TCF7L1: variants seen among roughly 807,000 people sequenced by gnomAD.
TCF7L1 encodes transcription factor 7-like 1.
In TCF7L1, 18 loss-of-function variants were observed where a neutral mutation model predicts 63.7. The observed-to-expected ratio is 0.28, with a 90% CI of 0.20 to 0.42. The LOEUF (loss-of-function observed/expected upper bound fraction) is 0.42. TCF7L1 is among the 10% of genes least tolerant of loss of function. TCF7L1 has a pLI of 1.00. For missense variants in TCF7L1, 654 were observed against 779.3 expected, an observed-to-expected ratio of 0.84 and a Z score of 1.91; for synonymous variants, 355 against 340.9, an observed-to-expected ratio of 1.04 and a Z score of -0.46.
intron 3 of TCF7L1, among the ~76,000 whole-genome samples, chr2:85,168,462 C>G (rs1371540302): frequency 1.3e-5 from 2 of 152,172 alleles, no homozygotes; most frequent in Non-Finnish European, 1.5e-5. Context: ...AGGCCCTACA[C>G]TGTCCCTGAG....
rs147124547 is a variant in TCF7L1 at position 85,304,400 on chromosome 2, C to T, written c.845+62C>T. On this transcript the variant is annotated intron_variant, in intron 7 of 11. Transcript: ENST00000282111. ...TTAGCAACCACGCCATTTCTGACCA[C>T]GAAACAGCTTTTTCTTGCCAGTTAA... is the stretch of plus-strand genomic sequence containing the variant. 300 of 1,551,074 alleles carry T rather than the reference C, an allele frequency of 1.9e-4. 1 individual carries two copies. The African/African-American group carries it at 2.9e-3, about 15-fold the overall frequency.
chr2:85,243,772 G>C (rs767013371), intron 3 of TCF7L1, among the ~76,000 whole-genome samples: 10 of 152,126 alleles, frequency 6.6e-5, no homozygotes, highest in African/African-American at 2.4e-4. Context: ...TACGTGCCAG[G>C]CACCTTAGAA....
At chr2:85,263,359 C>T (rs997119650) in intron 3 of TCF7L1, among the ~76,000 whole-genome samples, 4 of 151,462 alleles carry the variant, frequency 2.6e-5, no homozygotes, top group Admixed American at 2.0e-4. Context: ...GTGGGCTGGC[C>T]TGGGGAGGGG....
At chr2:85,225,015 A>G (rs1189868100) in intron 3 of TCF7L1, among the ~76,000 whole-genome samples, 2 of 152,202 alleles carry the variant, frequency 1.3e-5, no homozygotes, top group African/African-American at 4.8e-5. Flanking sequence ...CAGTTTTCCC[A>G]GCACCATTTA....
rs1391768690 is a variant in TCF7L1 at position 85,232,566 on chromosome 2, A to G, written c.442-50929A>G. On this transcript the variant is annotated intron_variant, in intron 3 of 11. Coordinates refer to ENST00000282111, the MANE Select transcript of TCF7L1 (RefSeq NM_031283.3). ...TTGACCCCTTTGCATGATGATCTTAAGTTTGTTCACCACTGTTCAGCATAT... is the reference window on the plus strand; with the variant it reads ...TTGACCCCTTTGCATGATGATCTTAGGTTTGTTCACCACTGTTCAGCATAT... Among the ~76,000 whole-genome samples the G allele has an allele frequency of 2.0e-5, 3 of 152,208 alleles. No individual in the cohort carries two copies. The East Asian group carries it at 5.8e-4, about 29-fold the overall frequency.
At chr2:85,226,536 A>G (rs910724970) in intron 3 of TCF7L1, among the ~76,000 whole-genome samples, 1 of 151,398 alleles carries the variant, frequency 6.6e-6, no homozygotes, top group Admixed American at 6.6e-5. Context: ...TGTCAGTGCA[A>G]CTTCCAAGTT....
At chr2:85,256,962 G>A (rs967471254) in intron 3 of TCF7L1, among the ~76,000 whole-genome samples, 7 of 149,240 alleles carry the variant, frequency 4.7e-5, no homozygotes, top group Non-Finnish European at 8.9e-5. Flanking sequence ...CAGCCTGGGT[G>A]ACAGAGTGAG....
intron 4 of TCF7L1, among the ~76,000 whole-genome samples, chr2:85,284,213 T>C (rs1681488323): frequency 6.6e-6 from 1 of 152,208 alleles, no homozygotes; most frequent in Non-Finnish European, 1.5e-5. Context: ...TGTTTCACTG[T>C]GTTAGCCAGG....
intron 3 of TCF7L1, among the ~76,000 whole-genome samples, chr2:85,220,862 C>T (rs564750292): frequency 6.6e-6 from 1 of 152,286 alleles, no homozygotes; most frequent in South Asian, 2.1e-4. Flanking sequence ...ATGATTATCT[C>T]AATAGCACTG....
intron 3 of TCF7L1, among the ~76,000 whole-genome samples, chr2:85,210,314 A>G (rs11681532): frequency 0.47 from 71,103 of 152,088 alleles, 16,925 homozygotes; most frequent in African/African-American, 0.54. Flanking sequence ...AGGGCCCAGC[A>G]CAGCTATGGC....
chr2:85,217,962 A>G (rs1360814739), intron 3 of TCF7L1, among the ~76,000 whole-genome samples: 1 of 152,094 alleles, frequency 6.6e-6, no homozygotes, highest in Non-Finnish European at 1.5e-5. Context: ...ATCAGTTTTT[A>G]TCAAAATAAT....
chr2:85,168,617 T>C (rs945100593), intron 3 of TCF7L1, among the ~76,000 whole-genome samples: 1 of 151,454 alleles, frequency 6.6e-6, no homozygotes, highest in African/African-American at 2.4e-5. Flanking sequence ...GGTCCATCTG[T>C]AAATACGACT....
chr2:85,248,673 C>A (rs1447195542), intron 3 of TCF7L1, among the ~76,000 whole-genome samples: 1 of 152,170 alleles, frequency 6.6e-6, no homozygotes, highest in South Asian at 2.1e-4. Context: ...CCCCCTAAAC[C>A]ATCAAGATTG....
At chr2:85,261,823 G>A (rs927447665) in intron 3 of TCF7L1, among the ~76,000 whole-genome samples, 12 of 152,188 alleles carry the variant, frequency 7.9e-5, no homozygotes, top group Non-Finnish European at 1.6e-4. Flanking sequence ...GGAGGCCACA[G>A]TGAGCCATGT....
intron 3 of TCF7L1, among the ~76,000 whole-genome samples, chr2:85,168,780 C>T (rs186332453): frequency 3.7e-4 from 56 of 152,310 alleles, no homozygotes; most frequent in Non-Finnish European, 5.3e-4. Flanking sequence ...CGCTACCACA[C>T]CCGGCTAATT....
Position 85,303,950 on chromosome 2 carries a change from C to A in TCF7L1, c.714C>A (p.Pro238=). 1 of 1,613,892 alleles carries A rather than the reference C, an allele frequency of 6.2e-7. No individual in the cohort carries two copies. Among genetic ancestry groups the A allele is most frequent in the Non-Finnish European group, 8.5e-7 (1 of 1,179,888 alleles). ...TGTCACCGTATTACCCACTCTCTCC[C>A]GGAGCTGTCGGACAAATCCCCCACC... ...SELSPYYPLS[P]GAVGQIPHPL... Residue 238 remains proline (P), a synonymous_variant, in exon 6 of 12, where the codon CCC becomes CCA. Transcript: ENST00000282111.
chr2:85,260,913 G>T (rs189245580), intron 3 of TCF7L1, among the ~76,000 whole-genome samples: 1 of 152,248 alleles, frequency 6.6e-6, no homozygotes, highest in East Asian at 1.9e-4. Context: ...GTTCTTCTGG[G>T]ATTTGGTTTT....
intron 3 of TCF7L1, among the ~76,000 whole-genome samples, chr2:85,193,980 G>T (rs998266977): frequency 1.3e-5 from 2 of 151,442 alleles, no homozygotes; most frequent in Non-Finnish European, 2.9e-5. Flanking sequence ...AAAAAAAAAA[G>T]GCCCTCCTGT....
chr2:85,242,362 C>T (rs554027009), intron 3 of TCF7L1, among the ~76,000 whole-genome samples: 30 of 152,294 alleles, frequency 2.0e-4, no homozygotes, highest in African/African-American at 6.5e-4. Flanking sequence ...GAACATGTCG[C>T]GCTTAAGAAT....
Sources: allele counts gnomAD v4.1 joint callset (sites outside exome capture counted in the v4.1 genomes callset), GRCh38; gene constraint gnomAD v4.1.1; transcripts MANE v1.5; gene names NCBI Gene and HGNC (gene_info 2026-07-23, HGNC 2026-07-21).